The following NOX4 variants were observed in gnomAD, a reference collection of about 807,000 sequenced individuals.
The protein encoded by NOX4 is kidney oxidase-1.
NOX4 carries 69 observed loss-of-function variants against 87.6 expected under a neutral mutation model. The observed-to-expected ratio is 0.79, with a 90% CI of 0.65 to 0.96. The LOEUF is 0.96. Ranked by LOEUF, NOX4 falls within the 40% of genes least tolerant of loss-of-function variation. The pLI is 0.00. For missense variants in NOX4, 680 were observed against 681.5 expected, an observed-to-expected ratio of 1.00 and a Z score of 0.02; for synonymous variants, 275 against 238.2, an observed-to-expected ratio of 1.15 and a Z score of -1.42.
At chr11:89,485,456 C>T (rs1485089865) in intron 2 of NOX4, among the ~76,000 whole-genome samples, 1 of 151,906 alleles carries the variant, frequency 6.6e-6, no homozygotes, top group African/African-American at 2.4e-5. Flanking sequence ...AAATCATTCT[C>T]TTTTCAAGTT....
At chr11:89,474,458 C>CAAAAAAA (rs67342388) in intron 2 of NOX4, among the ~76,000 whole-genome samples, 2 of 97,044 alleles carry the variant, frequency 2.1e-5, no homozygotes, top group African/African-American at 3.4e-5. Context: ...TCTATAATAC[C>CAAAAAAA]AAAAAAAAAA....
At chr11:89,468,880 G>A (rs1945812676) in intron 2 of NOX4, among the ~76,000 whole-genome samples, 1 of 152,084 alleles carries the variant, frequency 6.6e-6, no homozygotes, top group African/African-American at 2.4e-5. Context: ...GAGTAGCTGG[G>A]ACTACAGGTG....
intron 6 of NOX4, 71 bp downstream of exon 6, chr11:89,440,617 G>A (rs554578567): frequency 2.3e-5 from 25 of 1,068,968 alleles, no homozygotes; most frequent in African/African-American, 6.6e-5. Context: ...GAGCCACTGC[G>A]CCCAGTCCGA....
chr11:89,421,634 T>C (rs1032557532), intron 8 of NOX4, among the ~76,000 whole-genome samples: 1 of 152,176 alleles, frequency 6.6e-6, no homozygotes, highest in African/African-American at 2.4e-5. Context: ...TTAGGATATA[T>C]CCATAGGAAG....
At chr11:89,505,829 A>G in the NOX4 span, among the ~76,000 whole-genome samples, 1 of 151,982 alleles carries the variant, frequency 6.6e-6, no homozygotes, top group South Asian at 2.1e-4. Context: ...GTAAAGCCAG[A>G]AATATATTTA....
intron 2 of NOX4, among the ~76,000 whole-genome samples, chr11:89,480,270 C>T: frequency 6.6e-6 from 1 of 152,104 alleles, no homozygotes; most frequent in Non-Finnish European, 1.5e-5. Context: ...ACAAACGTCT[C>T]ATTCCTTTCT....
chr11:89,419,979 G>A (rs1943000640), intron 8 of NOX4, among the ~76,000 whole-genome samples: 1 of 151,910 alleles, frequency 6.6e-6, no homozygotes, highest in East Asian at 1.9e-4. Flanking sequence ...TAGGGACATA[G>A]ATGAATAGAC....
intron 8 of NOX4, among the ~76,000 whole-genome samples, chr11:89,417,451 T>C (rs536077857): frequency 6.6e-6 from 1 of 152,140 alleles, no homozygotes; most frequent in East Asian, 1.9e-4. Flanking sequence ...CCCAAAAAGG[T>C]ATATTAAAAA....
At chr11:89,358,898 C>T (rs1565194601) in intron 12 of NOX4, among the ~76,000 whole-genome samples, 1 of 151,676 alleles carries the variant, frequency 6.6e-6, no homozygotes, top group South Asian at 2.1e-4. Flanking sequence ...AGTCCTTTCA[C>T]AGGACTTCTT....
intron 3 of NOX4, among the ~76,000 whole-genome samples, chr11:89,451,109 T>C (rs2135387113): frequency 6.6e-6 from 1 of 150,990 alleles, no homozygotes; most frequent in South Asian, 2.1e-4. Flanking sequence ...ATATACCTAA[T>C]GTTAAATGAC....
At chr11:89,514,357 C>T in the NOX4 span, among the ~76,000 whole-genome samples, 1 of 151,464 alleles carries the variant, frequency 6.6e-6, no homozygotes, top group Non-Finnish European at 1.5e-5. Flanking sequence ...ATATTTTATT[C>T]TAAAAATTCT....
the NOX4 span, chr11:89,545,892 C>T: frequency 1.3e-5 from 2 of 152,152 alleles, no homozygotes; most frequent in Non-Finnish European, 2.9e-5. Context: ...GTCTGTACAG[C>T]ACCTGTCTGA....
the NOX4 span, among the ~76,000 whole-genome samples, chr11:89,546,399 C>T: frequency 6.6e-6 from 1 of 152,108 alleles, no homozygotes; most frequent in African/African-American, 2.4e-5. Flanking sequence ...GCTGCTGGAT[C>T]ATCTTTCTTT....
intron 11 of NOX4, among the ~76,000 whole-genome samples, chr11:89,375,784 T>C (rs1300420603): frequency 1.3e-5 from 2 of 152,210 alleles, no homozygotes; most frequent in African/African-American, 4.8e-5. Context: ...AACAGAGATC[T>C]GAGCTACCAA....
At chr11:89,369,310 A>G (rs1939258559) in intron 12 of NOX4, among the ~76,000 whole-genome samples, 1 of 152,072 alleles carries the variant, frequency 6.6e-6, no homozygotes, top group Non-Finnish European at 1.5e-5. Context: ...GACATAGGGT[A>G]TAGGTGAGGC....
intron 11 of NOX4, among the ~76,000 whole-genome samples, chr11:89,379,868 T>G (rs958306511): frequency 1.3e-5 from 2 of 152,312 alleles, no homozygotes; most frequent in African/African-American, 2.4e-5. Flanking sequence ...ACTAGATGAC[T>G]GCAACAGCTC....
At chr11:89,578,224 T>C in the NOX4 span, among the ~76,000 whole-genome samples, 1 of 151,746 alleles carries the variant, frequency 6.6e-6, no homozygotes, top group South Asian at 2.1e-4. Flanking sequence ...TGCCGTGGCG[T>C]GATCACGGCT....
At chr11:89,456,397 G>C (rs371469985) in intron 2 of NOX4, among the ~76,000 whole-genome samples, 190 of 152,234 alleles carry the variant, frequency 1.2e-3, no homozygotes, top group South Asian at 9.5e-3. Flanking sequence ...TGAAAAGAAA[G>C]TAGGACAAGA....
chr11:89,458,844 A>G (rs1945324808), intron 2 of NOX4, among the ~76,000 whole-genome samples: 1 of 152,216 alleles, frequency 6.6e-6, no homozygotes, highest in Non-Finnish European at 1.5e-5. Context: ...GAACACTTAC[A>G]TGCTGTTCAT....
Sources: gnomAD v4.1 joint callset for allele counts (sites outside exome capture counted in the v4.1 genomes callset) on GRCh38, gnomAD v4.1.1 for gene constraint, MANE v1.5 for transcripts, NCBI Gene and HGNC (gene_info 2026-07-23, HGNC 2026-07-21) for gene names.